KAZN: variants seen among roughly 807,000 people sequenced by gnomAD.
KAZN encodes kazrin, periplakin interacting protein, also known as kazrin.
In KAZN, 40 loss-of-function variants were observed where a neutral mutation model predicts 87.4. That is an observed-to-expected ratio of 0.46 (90% confidence interval 0.36 to 0.60). The LOEUF (loss-of-function observed/expected upper bound fraction) is 0.60. KAZN is among the 20% of genes least tolerant of loss of function. KAZN has a pLI of 0.00. For synonymous variants in KAZN, 466 were observed against 458.3 expected, an observed-to-expected ratio of 1.02 and a Z score of -0.22; for missense variants, 898 against 1,073.9, an observed-to-expected ratio of 0.84 and a Z score of 2.29.
At chr1:14,843,017 G>T (rs1347319909) in intron 1 of KAZN, among the ~76,000 whole-genome samples, 1 of 152,130 alleles carries the variant, frequency 6.6e-6, no homozygotes, top group Non-Finnish European at 1.5e-5. Context: ...TTCTGTGATG[G>T]TGGATGAAAC....
intron 1 of KAZN, among the ~76,000 whole-genome samples, chr1:14,149,068 T>G (rs1645413705): frequency 2.7e-5 from 3 of 112,564 alleles, no homozygotes; most frequent in Admixed American, 9.7e-5. Flanking sequence ...CCTGCCTTCC[T>G]TCCTTCCTTC....
chr1:15,018,289 C>A (rs1184508792), intron 2 of KAZN, among the ~76,000 whole-genome samples: 1 of 152,022 alleles, frequency 6.6e-6, no homozygotes. Context: ...CTGAGAATGG[C>A]GGTCTAAATA....
intron 1 of KAZN, among the ~76,000 whole-genome samples, chr1:14,088,701 T>C (rs1643906619): frequency 6.6e-6 from 1 of 152,038 alleles, no homozygotes; most frequent in Non-Finnish European, 1.5e-5. Context: ...GTTATCTGTA[T>C]ACTTGTTTTT....
Position 14,439,179 on chromosome 1 carries a change from C to G in KAZN, c.250-159804C>G, listed in dbSNP as rs994650914. ...TGCCCTGCTCACAGTGTCTTCTTCT[C>G]AGAAGATGCTGACCACAGATTTCCA... On this transcript the variant is annotated intron_variant, in intron 2 of 16. Transcript: ENST00000636203. 3.9e-5 allele frequency among the ~76,000 whole-genome samples: 6 copies of G among 152,306 alleles called. 1 individual carries two copies. In the Middle Eastern group the frequency reaches 0.01, roughly 259 times the overall value.
intron 1 of KAZN, among the ~76,000 whole-genome samples, chr1:14,098,470 C>T (rs1017660293): frequency 2.0e-5 from 3 of 152,154 alleles, no homozygotes; most frequent in Non-Finnish European, 2.9e-5. Flanking sequence ...AGAAGGCAAA[C>T]AGCAAGTGAC....
chr1:14,394,476 T>TAA (rs1662724205), intron 2 of KAZN, among the ~76,000 whole-genome samples: 7 of 152,240 alleles, frequency 4.6e-5, no homozygotes, highest in Admixed American at 4.6e-4. Flanking sequence ...CATTATGTAA[T>TAA]AATAAGTGAT....
chr1:14,783,891 G>C (rs76694716), intron 1 of KAZN, among the ~76,000 whole-genome samples: 2,633 of 152,256 alleles, frequency 0.017, 42 homozygotes, highest in African/African-American at 0.045. Context: ...GCGATGAATA[G>C]AGGTTATGAG....
intron 1 of KAZN, among the ~76,000 whole-genome samples, chr1:14,767,200 A>G (rs1644907752): frequency 6.6e-6 from 1 of 152,222 alleles, no homozygotes; most frequent in African/African-American, 2.4e-5. Flanking sequence ...GGGGAAGGTT[A>G]GGATTAAGGA....
At chr1:14,728,289 TAAAAAAAAA>T (rs55745144) in intron 1 of KAZN, among the ~76,000 whole-genome samples, 1 of 29,846 alleles carries the variant, frequency 3.4e-5, no homozygotes. Context: ...ACCGTATATA[TAAAAAAAAA>T]AAAAAAAAAA....
chr1:14,276,160 G>GGTGTGTGT lies in KAZN; in HGVS notation c.249+95603_249+95610dup, dbSNP rs5772575. On this transcript the variant is annotated intron_variant, in intron 2 of 16. Transcript: ENST00000636203. ...CATGGAGCATAGTGTTCGCTATAAG[G>GGTGTGTGT]GTGTGTGTGTGTGTGTGTGTGTGTG... 1.4e-4 allele frequency among the ~76,000 whole-genome samples: 19 copies of GGTGTGTGT among 135,792 alleles called. No homozygotes were observed. The East Asian group carries it at 2.5e-3, about 18-fold the overall frequency. The allele number at this position is 135,792 out of a possible 152,430, so 89.1% of individuals were successfully genotyped here. A position where few individuals can be genotyped will look rare whatever the true frequency, so the allele number is the denominator to read the frequency against.
intron 2 of KAZN, among the ~76,000 whole-genome samples, chr1:14,983,186 A>G (rs1666432906): frequency 6.6e-6 from 1 of 152,092 alleles, no homozygotes; most frequent in East Asian, 1.9e-4. Flanking sequence ...TCATCTGAGT[A>G]TTGTCTGCCT....
chr1:14,680,622 C>T (rs1228293540), intron 1 of KAZN, among the ~76,000 whole-genome samples: 1 of 152,156 alleles, frequency 6.6e-6, no homozygotes, highest in Admixed American at 6.5e-5. Context: ...TGCCTCCCAA[C>T]TCCCAACAGG....
intron 1 of KAZN, among the ~76,000 whole-genome samples, chr1:14,144,182 C>G (rs1272686332): frequency 6.6e-6 from 1 of 152,196 alleles, no homozygotes; most frequent in Non-Finnish European, 1.5e-5. Flanking sequence ...ATAAGCAGTT[C>G]TCTATCTCTG....
chr1:13,943,180 T>C (rs1310723937), intron 1 of KAZN, among the ~76,000 whole-genome samples: 2 of 152,062 alleles, frequency 1.3e-5, no homozygotes, highest in East Asian at 1.9e-4. Flanking sequence ...ACAAAACTTA[T>C]GAAAATGAAA....
chr1:14,686,527 C>G (rs1213124630), intron 1 of KAZN, among the ~76,000 whole-genome samples: 1 of 152,228 alleles, frequency 6.6e-6, no homozygotes, highest in Non-Finnish European at 1.5e-5. Context: ...CTTTTCTTAA[C>G]TTATTTTTAC....
At chr1:14,214,852 C>T (rs1557566159) in intron 2 of KAZN, among the ~76,000 whole-genome samples, 1 of 152,200 alleles carries the variant, frequency 6.6e-6, no homozygotes, top group East Asian at 1.9e-4. Context: ...GTGTGCTGAG[C>T]ACAAGGAATG....
At chr1:13,964,380 C>T (rs892854212) in intron 1 of KAZN, among the ~76,000 whole-genome samples, 4 of 152,210 alleles carry the variant, frequency 2.6e-5, no homozygotes, top group East Asian at 1.9e-4. Context: ...GCTACTGCTG[C>T]GTAACAAATA....
intron 1 of KAZN, among the ~76,000 whole-genome samples, chr1:14,872,616 C>G (rs563925987): frequency 1.3e-5 from 2 of 152,208 alleles, no homozygotes; most frequent in African/African-American, 4.8e-5. Flanking sequence ...AACCACTGAT[C>G]TAAGTGGGGC....
At chr1:14,849,794 A>G (rs1232177413) in intron 1 of KAZN, among the ~76,000 whole-genome samples, 1 of 152,146 alleles carries the variant, frequency 6.6e-6, no homozygotes, top group African/African-American at 2.4e-5. Context: ...TCATTCATCC[A>G]TTGTTTCCAT....
Sources: allele counts gnomAD v4.1 joint callset (sites outside exome capture counted in the v4.1 genomes callset), GRCh38; gene constraint gnomAD v4.1.1; transcripts MANE v1.5; gene names NCBI Gene and HGNC (gene_info 2026-07-23, HGNC 2026-07-21).